Variants in ADGRB1 observed in about 807,000 individuals in gnomAD.
ADGRB1 encodes the protein brain-specific angiogenesis inhibitor 1.
ADGRB1 carries 36 observed loss-of-function variants against 175.7 expected under a neutral mutation model. The ratio of observed to expected loss-of-function variants is 0.20; its 90% CI spans 0.16 to 0.27. The LOEUF (loss-of-function observed/expected upper bound fraction) is 0.27. Among genes scored for constraint, ADGRB1 ranks in the 10% least tolerant of loss-of-function variants. The pLI, the probability that ADGRB1 is intolerant of heterozygous loss-of-function variation, is 1.00. For synonymous variants in ADGRB1, 1,054 were observed against 979.4 expected, an observed-to-expected ratio of 1.08 and a Z score of -1.42; for missense variants, 1,731 against 2,255.3, an observed-to-expected ratio of 0.77 and a Z score of 4.71.
intron 9 of ADGRB1, among the ~76,000 whole-genome samples, chr8:142,480,791 G>A (rs1012522972): frequency 1.3e-5 from 2 of 152,188 alleles, no homozygotes; most frequent in African/African-American, 4.8e-5. Context: ...AGGGTGTGCC[G>A]TGTTTAAGGC....
At chr8:142,531,062 C>A (rs1036599353) in intron 24 of ADGRB1, among the ~76,000 whole-genome samples, 26 of 152,242 alleles carry the variant, frequency 1.7e-4, no homozygotes, top group African/African-American at 5.8e-4. Flanking sequence ...ACTGTATCCC[C>A]TGACGGGCAG....
In ADGRB1 at chr8:142,484,673, G is replaced by A; in HGVS notation, c.2217G>A (p.Lys739=). ...CCCTCCAGGCGGGCCCCAACGCCAA[G>A]GAGCTGTTCCGGCTGGTGGAGGACT... ...EEAQLAGPNA[K]ELFRLVEDFV... is the part of the protein sequence containing the mutation. Residue 739 remains lysine (K), a synonymous_variant, in exon 13 of 31, where the codon AAG becomes AAA. Transcript: ENST00000517894. 8 of 1,611,106 alleles carry A rather than the reference G, an allele frequency of 5.0e-6. No individual in the cohort carries two copies. The highest frequency in any genetic ancestry group is 6.8e-6 in the Non-Finnish European group (8 of 1,179,010).
At position 142,543,452 on chromosome 8, in the gene ADGRB1, T is replaced by TC. The variant is rs753262429; in HGVS notation, c.4449+22dup. ...CTGGACTTTGAGGTGAGTTCTGGTG[T>TC]CCCCCCCCACCAGACACTTAGGGCC... On this transcript the variant is annotated intron_variant, in intron 29 of 30. Transcript: ENST00000517894. This position sits in a 1 kb window ranked among gnomAD's most constrained non-coding sequence, Gnocchi z 4.4. 240 of 1,611,844 alleles carry TC rather than the reference T, an allele frequency of 1.5e-4. No homozygotes were observed. Among genetic ancestry groups the TC allele is most frequent in the Middle Eastern group, 1.3e-3 (8 of 6,054 alleles).
chr8:142,503,263 G>A (rs1026001746), intron 17 of ADGRB1, among the ~76,000 whole-genome samples: 1 of 152,040 alleles, frequency 6.6e-6, no homozygotes, highest in African/African-American at 2.4e-5. Flanking sequence ...GAGCGCTTCC[G>A]AGGTCATGGC....
chr8:142,507,100 C>G (rs1842885165), intron 17 of ADGRB1, among the ~76,000 whole-genome samples: 1 of 152,224 alleles, frequency 6.6e-6, no homozygotes, highest in Non-Finnish European at 1.5e-5. Flanking sequence ...CTTCCCTGAG[C>G]CTTGGTTTCT....
At chr8:142,487,185 T>C (rs1244084974) in intron 13 of ADGRB1, among the ~76,000 whole-genome samples, 1 of 152,152 alleles carries the variant, frequency 6.6e-6, no homozygotes, top group Non-Finnish European at 1.5e-5. Flanking sequence ...CAGCCCACCC[T>C]GGTGCCCATG....
chr8:142,479,619 G>A (rs868360681), intron 8 of ADGRB1, 74 bp from the exon 9 acceptor site: 25 of 1,527,724 alleles, frequency 1.6e-5, no homozygotes, highest in Middle Eastern at 1.7e-4. Context: ...TGCTCCAGGC[G>A]CCTTGCACCT....
chr8:142,515,551 C>T (rs1279245480), intron 18 of ADGRB1, among the ~76,000 whole-genome samples: 2 of 152,212 alleles, frequency 1.3e-5, no homozygotes, highest in African/African-American at 4.8e-5. Context: ...AGGCGCGAGA[C>T]GCTTACTCGG....
At chr8:142,467,448 A>C (rs1000366913) in intron 2 of ADGRB1, among the ~76,000 whole-genome samples, 18 of 152,296 alleles carry the variant, frequency 1.2e-4, no homozygotes, top group Non-Finnish European at 1.9e-4. Flanking sequence ...GGATGTGGAC[A>C]TGGGCAGGGA....
intron 24 of ADGRB1, among the ~76,000 whole-genome samples, chr8:142,530,155 CTG>C (rs1240681139): frequency 6.6e-6 from 1 of 151,752 alleles, no homozygotes; most frequent in Non-Finnish European, 1.5e-5. Context: ...GGGCATGTGC[CTG>C]TGTGTGCGTG....
chr8:142,487,180 C>T (rs1419028681), intron 13 of ADGRB1, among the ~76,000 whole-genome samples: 1 of 152,180 alleles, frequency 6.6e-6, no homozygotes, highest in Non-Finnish European at 1.5e-5. Flanking sequence ...TGCCACAGCC[C>T]ACCCTGGTGC....
rs1842656340 is a variant in ADGRB1, at chr8:142,502,459, TGCAGTCATC to T, written c.2676-8472_2676-8464del. ...GGTAGTGGTGGTGATGATGGGGTGG[TGCAGTCATC>T]ACTGTGGTTTTGATGATGACAGTGG... On this transcript the variant is annotated intron_variant, in intron 17 of 30. Transcript: ENST00000517894. Among the ~76,000 whole-genome samples the T allele has an allele frequency of 1.9e-4, 23 of 119,782 alleles. 9 individuals carry two copies. The highest frequency in any genetic ancestry group is 8.8e-4 in the African/African-American group (22 of 25,026). The allele number at this position is 119,782 out of a possible 152,430, so 78.6% of individuals were successfully genotyped here.
chr8:142,544,489 G>T lies in ADGRB1; in HGVS notation c.*72G>T. On this transcript the variant is annotated 3_prime_UTR_variant, in exon 31 of 31. Coordinates refer to ENST00000517894, the MANE Select transcript of ADGRB1 (RefSeq NM_001702.3). The stretch of plus-strand genomic sequence containing the variant: ...CTCCGCCCGCTCCTGCCGCAGACGG[G>T]CACAGACACGCTCGCGGGCAGCGGG... 2 of 1,401,704 alleles carry T rather than the reference G, an allele frequency of 1.4e-6. No homozygotes were observed. Among genetic ancestry groups the T allele is most frequent in the Non-Finnish European group, 1.9e-6 (2 of 1,080,778 alleles). The allele number at this position is 1,401,704 out of a possible 1,614,324, so 86.8% of individuals were successfully genotyped here.
chr8:142,470,197 T>C (rs1840582019), intron 2 of ADGRB1, among the ~76,000 whole-genome samples: 1 of 152,168 alleles, frequency 6.6e-6, no homozygotes, highest in South Asian at 2.1e-4. Flanking sequence ...GCCCCTCTCC[T>C]GCCGGCTCTC....
chr8:142,475,444 C>T (rs1840907577), intron 2 of ADGRB1, 30 bp from the exon 3 acceptor site: 2 of 1,279,928 alleles, frequency 1.6e-6, no homozygotes, highest in Non-Finnish European at 2.0e-6. Flanking sequence ...CCTGCCCTGC[C>T]CTGATCCCCG....
intron 18 of ADGRB1, among the ~76,000 whole-genome samples, chr8:142,513,546 T>G (rs1281964123): frequency 6.6e-6 from 1 of 152,084 alleles, no homozygotes; most frequent in Admixed American, 6.5e-5. Context: ...ACCGTGCCGA[T>G]CCCTCTGAGG....
Position 142,484,658 on chromosome 8 carries a change from G to A in ADGRB1, c.2202G>A (p.Ala734=), listed in dbSNP as rs753558928. 58 of 1,608,294 alleles carry A rather than the reference G, an allele frequency of 3.6e-5. No homozygotes were observed. The highest frequency in any genetic ancestry group is 1.6e-4 in the Middle Eastern group (1 of 6,072). The change falls in exon 13 of 31, where the codon GCG becomes GCA. Residue 734 remains alanine, a splice_region_variant and synonymous_variant. Coordinates refer to ENST00000517894, the MANE Select transcript of ADGRB1 (RefSeq NM_001702.3). ...CTGCTCACCCCCCTGCCCTCCAGGC[G>A]GGCCCCAACGCCAAGGAGCTGTTCC... is the stretch of plus-strand genomic sequence containing the variant. ...NRDKWEEAQL[A]GPNAKELFRL...
At chr8:142,508,628 TCCC>T (rs1842944552) in intron 17 of ADGRB1, among the ~76,000 whole-genome samples, 1 of 152,148 alleles carries the variant, frequency 6.6e-6, no homozygotes, top group Non-Finnish European at 1.5e-5. Flanking sequence ...ACAGCCTGGG[TCCC>T]TGGCCGCCAT....
At chr8:142,454,206 G>A (rs1480873244) in intron 1 of ADGRB1, among the ~76,000 whole-genome samples, 1 of 152,194 alleles carries the variant, frequency 6.6e-6, no homozygotes, top group African/African-American at 2.4e-5. Flanking sequence ...GCCCACAGCT[G>A]CACTGCACAA....
Sources: gnomAD v4.1 joint callset for allele counts (sites outside exome capture counted in the v4.1 genomes callset) on GRCh38, gnomAD v4.1.1 for gene constraint, Gnocchi (gnomAD v3.1) non-coding constraint, MANE v1.5 for transcripts, NCBI Gene and HGNC (gene_info 2026-07-23, HGNC 2026-07-21) for gene names.